The following SFPQ variants were observed in gnomAD, a reference collection of about 807,000 sequenced individuals.
SFPQ encodes the protein splicing factor proline and glutamine rich.
A neutral mutation model predicts 72.9 loss-of-function variants in SFPQ; 11 were observed. The observed-to-expected ratio is 0.15, with a 90% CI of 0.09 to 0.25. SFPQ has a LOEUF of 0.25. Among genes scored for constraint, SFPQ ranks in the 10% least tolerant of loss-of-function variants. SFPQ has a pLI of 1.00. For missense variants in SFPQ, 847 were observed against 993.3 expected (o/e 0.85, Z 1.98); for synonymous variants, 506 against 367.3 (o/e 1.38, Z -4.32).
chr1:35,181,589 G>T, downstream of SFPQ: 13 of 1,061,014 alleles, frequency 1.2e-5, no homozygotes, highest in Non-Finnish European at 1.5e-5. Context: ...ATACACTGGG[G>T]TCTTAACAAT....
In SFPQ at chr1:35,184,221, A is replaced by G; in HGVS notation, c.*235T>C. 1 of 1,283,970 alleles carries G rather than the reference A, an allele frequency of 7.8e-7. No homozygotes were observed. The highest frequency in any genetic ancestry group is 9.8e-7 in the Non-Finnish European group (1 of 1,019,898). 79.5% of individuals were successfully genotyped at this position (1,283,970 alleles called of 1,614,324 possible). A position where few individuals can be genotyped will look rare whatever the true frequency, so the allele number is the denominator to read the frequency against. On this transcript the variant is annotated 3_prime_UTR_variant, in exon 10 of 10. Transcript: ENST00000357214. Reference sequence around the variant, plus strand: ...AGGTACACTGCCATAAACTTGAGGGACATTATACAGTAAAAAAGAAAAAAT... The same window carrying G: ...AGGTACACTGCCATAAACTTGAGGGGCATTATACAGTAAAAAAGAAAAAAT...
At chr1:35,178,649 G>C, downstream of SFPQ, 1 of 1,056,364 alleles carries the variant, frequency 9.5e-7, no homozygotes, top group Non-Finnish European at 1.1e-6. Flanking sequence ...TTTTTTCTGA[G>C]GGAGAAGACA....
Position 35,190,566 on chromosome 1 carries a change from T to C in SFPQ, c.1347A>G (p.Pro449=). The C allele has an allele frequency of 1.2e-6, 2 of 1,613,984 alleles. No homozygotes were observed. The highest frequency in any genetic ancestry group is 1.7e-6 in the Non-Finnish European group (2 of 1,179,900). The stretch of plus-strand genomic sequence containing the variant: ...CATCTTCATCATCTAGTTGTTCAAG[T>C]GGTTCCACAATGACTGGACGAGGAG... ...TTTPRPVIVE[P]LEQLDDEDGL... Residue 449 remains proline, a synonymous_variant, in exon 4 of 10, where the codon CCA becomes CCG. Coordinates refer to ENST00000357214, the MANE Select transcript of SFPQ (RefSeq NM_005066.3).
intron 9 of SFPQ, among the ~76,000 whole-genome samples, chr1:35,185,806 C>CTT (rs778619887): frequency 4.0e-5 from 6 of 151,898 alleles, no homozygotes; most frequent in Non-Finnish European, 8.8e-5. Flanking sequence ...CCTCTAAGAA[C>CTT]TTAAAAAAAA....
rs376421305 is a variant in SFPQ at position 35,187,062 on chromosome 1, T to A, written c.1925A>T (p.Tyr642Phe). Reference protein sequence around the residue: ...PPLGGGGGIGYEANPGVPPAT... With the variant: ...PPLGGGGGIGFEANPGVPPAT... ...TGGTGGAACGCCAGGATTAGCTTCA[T>A]AACCTATGCCACCACCACCTCCTAG... is the stretch of plus-strand genomic sequence containing the variant. Residue 642 changes from tyrosine to phenylalanine, a missense_variant, in exon 9 of 10, where the codon TAT becomes TTT. Transcript: ENST00000357214. The A allele has an allele frequency of 1.2e-6, 2 of 1,614,004 alleles. No homozygotes were observed. The highest frequency in any genetic ancestry group is 2.7e-5 in the African/African-American group (2 of 74,928).
intron 6 of SFPQ, among the ~76,000 whole-genome samples, 173 bp downstream of exon 6, chr1:35,188,830 G>A (rs1639855485): frequency 6.6e-6 from 1 of 152,072 alleles, no homozygotes; most frequent in Non-Finnish European, 1.5e-5. Context: ...GTGTCGTGGC[G>A]CATGCCTGTA....
In SFPQ at chr1:35,192,566, G is replaced by C; in HGVS notation, c.484C>G (p.Pro162Ala). The C allele has an allele frequency of 6.0e-6, 8 of 1,328,448 alleles. No individual in the cohort carries two copies. Among genetic ancestry groups the C allele is most frequent in the Non-Finnish European group, 7.7e-6 (8 of 1,045,416 alleles). 82.3% of individuals were successfully genotyped at this position (1,328,448 alleles called of 1,614,324 possible). Residue 162 changes from proline (P) to alanine (A), a missense_variant, in exon 1 of 10, where the codon CCC becomes GCC. Around this residue, in one of 6 missense-constraint regions of SFPQ, gnomAD observed 498 missense variants for 405.1 expected, o/e 1.23. Coordinates refer to ENST00000357214, the MANE Select transcript of SFPQ (RefSeq NM_005066.3). The part of the protein sequence containing the change: ...TPPPAVTSAP[P>A]GAPPPTPPSS... Reference sequence around the variant, plus strand: ...GGCGGGGTGGGTGGCGGCGCCCCGGGAGGGGCCGAGGTGACTGCAGGCGGC... The same window carrying C: ...GGCGGGGTGGGTGGCGGCGCCCCGGCAGGGGCCGAGGTGACTGCAGGCGGC...
At chr1:35,180,477 C>T (rs1013389648), downstream of SFPQ, 1 of 1,050,566 alleles carries the variant, frequency 9.5e-7, no homozygotes, top group African/African-American at 1.7e-5. Flanking sequence ...CGACTGTAGT[C>T]AAGTCAATGT....
chr1:35,178,124 G>A (rs1432711470), downstream of SFPQ: 2 of 1,154,686 alleles, frequency 1.7e-6, no homozygotes, highest in Non-Finnish European at 2.2e-6. Context: ...AATTTAAAGA[G>A]TAAAAATCCA....
chr1:35,188,280 A>G (rs1268916422), intron 6 of SFPQ, among the ~76,000 whole-genome samples, 190 bp from the exon 7 acceptor site: 1 of 152,230 alleles, frequency 6.6e-6, no homozygotes, highest in African/African-American at 2.4e-5. Context: ...ATAATCTTAC[A>G]CTGTATTCGA....
At chr1:35,176,464 A>ACCTGATC (rs1639241042) in exon 6 of SFPQ, 1 of 152,164 alleles carries the variant, frequency 6.6e-6, no homozygotes, top group African/African-American at 2.4e-5. Flanking sequence ...GACACAGCTC[A>ACCTGATC]CCTGATCCTG....
chr1:35,192,235 A>G lies in SFPQ; in HGVS notation c.815T>C (p.Ile272Thr). Residue 272 changes from isoleucine to threonine, a missense_variant, in exon 1 of 10, where the codon ATC becomes ACC. Around this residue, in one of 6 missense-constraint regions of SFPQ, gnomAD observed 498 missense variants for 405.1 expected, o/e 1.23. Transcript: ENST00000357214. ...ATAGACACTCACCTCCGAGTCCGAG[A>G]TCTTCTCCTCGCTGCGGCCGCCGGG... The part of the protein sequence containing the change: ...GGPGGRSEEK[I>T]SDSEGFKANL... 6.8e-7 allele frequency: 1 copy of G among 1,460,532 alleles called. No homozygotes were observed. The highest frequency in any genetic ancestry group is 9.0e-7 in the Non-Finnish European group (1 of 1,113,688). The allele number at this position is 1,460,532 out of a possible 1,614,324, so 90.5% of individuals were successfully genotyped here.
intron 8 of SFPQ, 31 bp from the exon 9 acceptor site, chr1:35,187,153 A>G (rs1222342105): frequency 6.2e-7 from 1 of 1,613,882 alleles, no homozygotes; most frequent in Non-Finnish European, 8.5e-7. Flanking sequence ...TTACAACTCC[A>G]CCAGGATACT....
At chr1:35,187,597 G>A (rs1361677880) in intron 7 of SFPQ, among the ~76,000 whole-genome samples, 1 of 152,028 alleles carries the variant, frequency 6.6e-6, no homozygotes, top group African/African-American at 2.4e-5. Flanking sequence ...CGAGCCTGAT[G>A]GCAGGCACTT....
chr1:35,183,605 G>A lies in SFPQ; in HGVS notation c.*851C>T, dbSNP rs1639573716. 2.4e-5 allele frequency: 25 copies of A among 1,026,720 alleles called. No individual in the cohort carries two copies. The highest frequency in any genetic ancestry group is 2.9e-5 in the Non-Finnish European group (25 of 854,362). The allele number at this position is 1,026,720 out of a possible 1,614,324, so 63.6% of individuals were successfully genotyped here. On this transcript the variant is annotated 3_prime_UTR_variant, in exon 10 of 10. Transcript: ENST00000357214. The stretch of plus-strand genomic sequence containing the variant: ...ACTTGAATACATGAAAAGACTTCAT[G>A]TTTAACATCTTTAATTCAAATGTAA...
intron 9 of SFPQ, among the ~76,000 whole-genome samples, chr1:35,185,667 TC>T (rs1215133617): frequency 6.6e-6 from 1 of 152,332 alleles, no homozygotes; most frequent in Admixed American, 6.5e-5. Flanking sequence ...GTTTAACTGT[TC>T]CTATACACAA....
At chr1:35,191,947 G>A (rs951543134) in intron 1 of SFPQ, among the ~76,000 whole-genome samples, 5 of 152,094 alleles carry the variant, frequency 3.3e-5, no homozygotes, top group Admixed American at 2.6e-4. Flanking sequence ...CCAGTCCCAG[G>A]GACAGGATAC....
chr1:35,179,420 A>G (rs2148604391), downstream of SFPQ: 1 of 1,056,768 alleles, frequency 9.5e-7, no homozygotes, highest in East Asian at 5.2e-5. Context: ...AGGGCCTAAC[A>G]GTACGAAAAT....
At chr1:35,182,425 G>A (rs1639508098), downstream of SFPQ, 2 of 985,198 alleles carry the variant, frequency 2.0e-6, no homozygotes, top group Non-Finnish European at 2.4e-6. Context: ...ATGATATAAT[G>A]AGCATTACTT....
Sources: gnomAD v4.1 joint callset for allele counts (sites outside exome capture counted in the v4.1 genomes callset) on GRCh38, gnomAD v4.1.1 for gene constraint, gnomAD v4.1.1 regional missense constraint, MANE v1.5 for transcripts, NCBI Gene and HGNC (gene_info 2026-07-23, HGNC 2026-07-21) for gene names.